Variants in STK39 observed in about 807,000 individuals in gnomAD.
The protein encoded by STK39 is serine/threonine kinase 39.
STK39 carries 20 observed loss-of-function variants against 77.8 expected under a neutral mutation model. That is an observed-to-expected ratio of 0.26 (90% CI 0.18 to 0.37). The LOEUF (loss-of-function observed/expected upper bound fraction) is 0.37, where lower values mean the gene tolerates loss of function less well. Ranked by LOEUF, STK39 falls within the 10% of genes least tolerant of loss-of-function variation. The probability of loss-of-function intolerance (pLI) is 1.00; values close to 1 mark genes in which losing one functional copy is unlikely to be tolerated. For missense variants in STK39, 479 were observed against 656.5 expected, an observed-to-expected ratio of 0.73 and a Z score of 2.95; for synonymous variants, 246 against 234.1, an observed-to-expected ratio of 1.05 and a Z score of -0.47.
chr2:168,140,437 T>G lies in STK39; in HGVS notation c.739-47A>C, dbSNP rs1023190123. ...AAACACAATCATACAGCAGGCATGT[T>G]ACACATCATCAAGTCCATGTCATGT... On this transcript the variant is annotated intron_variant, in intron 6 of 17. Transcript: ENST00000355999. 1.8e-5 allele frequency: 27 copies of G among 1,501,872 alleles called. No individual in the cohort carries two copies. The African/African-American group carries it at 2.2e-4, about 12-fold the overall frequency. 93.0% of individuals were successfully genotyped at this position (1,501,872 alleles called of 1,614,324 possible). A position where few individuals can be genotyped will look rare whatever the true frequency, so the allele number is the denominator to read the frequency against.
At chr2:168,044,237 C>A (rs1685180761) in intron 14 of STK39, among the ~76,000 whole-genome samples, 1 of 152,092 alleles carries the variant, frequency 6.6e-6, no homozygotes, top group Non-Finnish European at 1.5e-5. Flanking sequence ...GCAGAGATAA[C>A]CTCCCTTTAA....
chr2:168,126,062 A>AAG (rs1446828237), intron 10 of STK39, among the ~76,000 whole-genome samples: 1 of 152,202 alleles, frequency 6.6e-6, no homozygotes, highest in African/African-American at 2.4e-5. Flanking sequence ...AAGAGAGGAG[A>AAG]AGAGAATGCT....
At chr2:168,184,836 G>T (rs760544351) in intron 1 of STK39, among the ~76,000 whole-genome samples, 2 of 152,176 alleles carry the variant, frequency 1.3e-5, no homozygotes, top group African/African-American at 2.4e-5. Context: ...TACTGTAAGT[G>T]ATGATCAAAA....
At chr2:168,021,550 G>C (rs1019902696) in intron 14 of STK39, among the ~76,000 whole-genome samples, 2 of 152,110 alleles carry the variant, frequency 1.3e-5, no homozygotes, top group Non-Finnish European at 2.9e-5. Context: ...GGACACTCTT[G>C]ATTTCAGGGA....
chr2:168,110,553 T>G (rs1687094530), intron 10 of STK39, among the ~76,000 whole-genome samples: 1 of 152,198 alleles, frequency 6.6e-6, no homozygotes, highest in African/African-American at 2.4e-5. Flanking sequence ...TTATTTTTCA[T>G]ATAGATTGTA....
Position 168,218,544 on chromosome 2 carries a change from G to A in STK39, c.208+28684C>T, listed in dbSNP as rs147244005. Among the ~76,000 whole-genome samples, 289 of 152,328 alleles carry A rather than the reference G, an allele frequency of 1.9e-3. 1 individual carries two copies. Among genetic ancestry groups the A allele is most frequent in the African/African-American group, 6.8e-3 (282 of 41,564 alleles). Reference sequence around the variant, plus strand: ...AACCAAGGTAGGCTTGCTAGAGCAAGGGCCAAGTCACCTAAAGAACATGAC... The same window carrying A: ...AACCAAGGTAGGCTTGCTAGAGCAAAGGCCAAGTCACCTAAAGAACATGAC... On this transcript the variant is annotated intron_variant, in intron 1 of 17. Transcript: ENST00000355999.
At chr2:168,026,106 C>G (rs367739261) in intron 14 of STK39, among the ~76,000 whole-genome samples, 2 of 152,106 alleles carry the variant, frequency 1.3e-5, no homozygotes, top group African/African-American at 4.8e-5. Flanking sequence ...TTTTGAGGCA[C>G]ATAGAAATAG....
intron 16 of STK39, among the ~76,000 whole-genome samples, chr2:167,991,773 A>C (rs1435104656): frequency 1.3e-5 from 2 of 152,166 alleles, no homozygotes; most frequent in Non-Finnish European, 2.9e-5. Flanking sequence ...CCTCCCTTAG[A>C]GGAAACGGGT....
chr2:168,214,243 A>C (rs1197787342), intron 1 of STK39, among the ~76,000 whole-genome samples: 1 of 10,516 alleles, frequency 9.5e-5, no homozygotes, highest in Non-Finnish European at 4.7e-4. Flanking sequence ...GTCAAAAATA[A>C]CAACAACAAC....
Position 168,080,731 on chromosome 2 carries a change from T to C in STK39, c.1090-5500A>G, listed in dbSNP as rs1481702766. On this transcript the variant is annotated intron_variant, in intron 10 of 17. Transcript: ENST00000355999. Reference sequence around the variant, plus strand: ...CCCTCCCCTCACAGGGCTGGAAGTTTAGCAGGAAAAAAATGGTTTCTTGGG... The same window carrying C: ...CCCTCCCCTCACAGGGCTGGAAGTTCAGCAGGAAAAAAATGGTTTCTTGGG... Among the ~76,000 whole-genome samples, 5 of 152,188 alleles carry C rather than the reference T, an allele frequency of 3.3e-5. No homozygotes were observed. The East Asian group carries it at 9.6e-4, about 29-fold the overall frequency.
At chr2:168,163,604 T>C (rs1688628645) in intron 4 of STK39, 135 bp downstream of exon 4, 20 of 1,586,080 alleles carry the variant, frequency 1.3e-5, no homozygotes, top group Non-Finnish European at 5.1e-6. Flanking sequence ...GCTGAAGATA[T>C]GAACATCTGA....
chr2:168,069,300 T>C (rs943648420), intron 12 of STK39, among the ~76,000 whole-genome samples: 2 of 152,338 alleles, frequency 1.3e-5, no homozygotes, highest in Admixed American at 6.5e-5. Flanking sequence ...AAAATTAGTT[T>C]TCACATTGCA....
chr2:168,018,530 AAAGAAAGAAAAGAAAG>A (rs1684478275), intron 14 of STK39, among the ~76,000 whole-genome samples: 1 of 76,924 alleles, frequency 1.3e-5, no homozygotes. Context: ...AAAAGAAAGA[AAAGAAAGAAAAGAAAG>A]AAAGAAAGAA....
intron 16 of STK39, among the ~76,000 whole-genome samples, chr2:167,986,590 A>AGCCTAAAT (rs1683565475): frequency 6.6e-6 from 1 of 152,206 alleles, no homozygotes; most frequent in African/African-American, 2.4e-5. Context: ...ATACCTGAGC[A>AGCCTAAAT]CCAGAAATGG....
chr2:167,959,346 C>T lies in STK39; in HGVS notation c.1564-3776G>A, dbSNP rs555438320. On this transcript the variant is annotated intron_variant, in intron 17 of 17. Transcript: ENST00000355999. Reference sequence around the variant, plus strand: ...TTCACCATGTTAGCCAGGATGGTCTCGATCTCCTGACCTCGTGATCCACAT... The same window carrying T: ...TTCACCATGTTAGCCAGGATGGTCTTGATCTCCTGACCTCGTGATCCACAT... Among the ~76,000 whole-genome samples, 14 of 151,572 alleles carry T rather than the reference C, an allele frequency of 9.2e-5. No individual in the cohort carries two copies. The South Asian group carries it at 2.9e-3, about 32-fold the overall frequency.
chr2:168,013,793 GGT>G (rs4000936), intron 15 of STK39, among the ~76,000 whole-genome samples: 4,457 of 147,612 alleles, frequency 0.03, 75 homozygotes, highest in African/African-American at 0.043. Flanking sequence ...TAAGTGGGCT[GGT>G]GTGTGTGTGT....
intron 1 of STK39, among the ~76,000 whole-genome samples, chr2:168,207,929 T>G (rs1689783725): frequency 6.6e-6 from 1 of 151,956 alleles, no homozygotes; most frequent in Non-Finnish European, 1.5e-5. Flanking sequence ...AAGAGTAAAC[T>G]GGAAGAATAG....
At chr2:168,073,083 T>C (rs964947973) in intron 12 of STK39, among the ~76,000 whole-genome samples, 2 of 152,204 alleles carry the variant, frequency 1.3e-5, no homozygotes, top group Non-Finnish European at 1.5e-5. Context: ...CACCTATGAC[T>C]TTCATATCCC....
intron 8 of STK39, among the ~76,000 whole-genome samples, chr2:168,133,461 T>A (rs1687752260): frequency 6.6e-6 from 1 of 152,052 alleles, no homozygotes; most frequent in African/African-American, 2.4e-5. Context: ...AGATTAGAGG[T>A]TTCTCTTTGC....
Sources: allele counts gnomAD v4.1 joint callset (sites outside exome capture counted in the v4.1 genomes callset), GRCh38; gene constraint gnomAD v4.1.1; transcripts MANE v1.5; gene names NCBI Gene and HGNC (gene_info 2026-07-23, HGNC 2026-07-21).